The following B3GLCT variants were observed in gnomAD, a reference collection of about 807,000 sequenced individuals.
B3GLCT encodes the protein beta 3-glucosyltransferase.
In B3GLCT, 65 loss-of-function variants were observed where a neutral mutation model predicts 63.4. That is an observed-to-expected ratio of 1.03 (90% CI 0.84 to 1.26). The LOEUF (loss-of-function observed/expected upper bound fraction) is 1.26. B3GLCT is among the 50% of genes most tolerant of loss of function. The pLI, the probability that B3GLCT is intolerant of heterozygous loss-of-function variation, is 0.00. For missense variants in B3GLCT, 577 were observed against 604.8 expected, an observed-to-expected ratio of 0.95 and a Z score of 0.48; for synonymous variants, 233 against 219.2, an observed-to-expected ratio of 1.06 and a Z score of -0.55.
At chr13:31,312,333 T>C (rs1046904745) in intron 12 of B3GLCT, 2 of 152,236 alleles carry the variant, frequency 1.3e-5, no homozygotes, top group African/African-American at 4.8e-5. Context: ...AAGTTACTTA[T>C]GTCAAGGATA....
intron 4 of B3GLCT, among the ~76,000 whole-genome samples, chr13:31,233,638 A>G (rs1252449002): frequency 1.3e-5 from 2 of 152,092 alleles, no homozygotes; most frequent in Non-Finnish European, 2.9e-5. Context: ...GCAGTTGTAT[A>G]TGTTGTGTCC....
At chr13:31,289,429 T>G (rs1873528825) in intron 12 of B3GLCT, among the ~76,000 whole-genome samples, 1 of 152,006 alleles carries the variant, frequency 6.6e-6, no homozygotes. Context: ...AAAAAGGACT[T>G]CACATGGCAT....
At chr13:31,211,758 T>G (rs539675054) in intron 1 of B3GLCT, among the ~76,000 whole-genome samples, 7 of 152,360 alleles carry the variant, frequency 4.6e-5, no homozygotes, top group Non-Finnish European at 8.8e-5. Flanking sequence ...ATATCTTTCC[T>G]GTATGTAATT....
At chr13:31,204,328 A>G (rs1002964769) in intron 1 of B3GLCT, among the ~76,000 whole-genome samples, 1 of 152,194 alleles carries the variant, frequency 6.6e-6, no homozygotes, top group Non-Finnish European at 1.5e-5. Context: ...TGAACATCCT[A>G]CAAAGGCACA....
intron 12 of B3GLCT, among the ~76,000 whole-genome samples, chr13:31,313,863 G>T (rs1253658784): frequency 6.6e-6 from 1 of 152,134 alleles, no homozygotes; most frequent in South Asian, 2.1e-4. Flanking sequence ...GGAGGAAAAA[G>T]TGGTTTGTTT....
intron 10 of B3GLCT, among the ~76,000 whole-genome samples, chr13:31,280,925 A>C (rs1047777114): frequency 1.3e-4 from 20 of 152,214 alleles, no homozygotes; most frequent in African/African-American, 4.8e-4. Flanking sequence ...ACTGTTACAT[A>C]AGGTGATGAA....
At chr13:31,268,552 T>C (rs1872436531) in intron 7 of B3GLCT, among the ~76,000 whole-genome samples, 1 of 152,192 alleles carries the variant, frequency 6.6e-6, no homozygotes, top group African/African-American at 2.4e-5. Context: ...GTTTGGTGTT[T>C]ACAAGTTTGC....
At chr13:31,319,240 C>T (rs1031593236) in intron 13 of B3GLCT, among the ~76,000 whole-genome samples, 1 of 152,168 alleles carries the variant, frequency 6.6e-6, no homozygotes, top group African/African-American at 2.4e-5. Context: ...CAGCGTCTAC[C>T]CTGCCCCTGG....
intron 2 of B3GLCT, among the ~76,000 whole-genome samples, chr13:31,218,964 G>C (rs1301711646): frequency 6.9e-6 from 1 of 144,048 alleles, no homozygotes; most frequent in Non-Finnish European, 1.5e-5. Flanking sequence ...AGGTGATCAT[G>C]TGGTTTTTGA....
intron 4 of B3GLCT, among the ~76,000 whole-genome samples, chr13:31,246,362 T>C (rs1871194636): frequency 6.6e-6 from 1 of 152,224 alleles, no homozygotes; most frequent in Non-Finnish European, 1.5e-5. Context: ...GTATACATAA[T>C]TTATGTAAGC....
At chr13:31,315,839 C>T (rs1874973954) in intron 12 of B3GLCT, among the ~76,000 whole-genome samples, 1 of 152,246 alleles carries the variant, frequency 6.6e-6, no homozygotes, top group African/African-American at 2.4e-5. Context: ...GGCCCCACTG[C>T]TCTATGCAGC....
chr13:31,247,063 A>T lies in B3GLCT; in HGVS notation c.311A>T (p.Gln104Leu). The T allele has an allele frequency of 6.2e-7, 1 of 1,613,298 alleles. No homozygotes were observed. The highest frequency in any genetic ancestry group is 8.5e-7 in the Non-Finnish European group (1 of 1,179,862). ...CTCCTCCTTCATCAGCTGGCTAAAC[A>T]AGAAGGTGCATGGACCATACTTCCG... ...SVLLLHQLAK[Q>L]EGAWTILPLL... The change falls in exon 5 of 15, where the codon CAA (glutamine) becomes CTA (leucine). Residue 104 changes from glutamine (Q) to leucine (L), a missense_variant. By Grantham distance (113) the Gln-to-Leu change is moderately radical. Coordinates refer to ENST00000343307, the MANE Select transcript of B3GLCT (RefSeq NM_194318.4).
intron 12 of B3GLCT, among the ~76,000 whole-genome samples, chr13:31,301,552 C>T: frequency 6.6e-6 from 1 of 152,192 alleles, no homozygotes; most frequent in East Asian, 1.9e-4. Context: ...ACAACCGTTA[C>T]ACTTTTATGT....
intron 10 of B3GLCT, among the ~76,000 whole-genome samples, chr13:31,278,909 TG>T (rs1041679874): frequency 9.2e-5 from 14 of 152,226 alleles, no homozygotes; most frequent in Non-Finnish European, 1.8e-4. Flanking sequence ...AAGCTGAGTA[TG>T]GAATGATACA....
intron 4 of B3GLCT, among the ~76,000 whole-genome samples, chr13:31,233,864 A>C (rs552533982): frequency 6.6e-6 from 1 of 152,200 alleles, no homozygotes; most frequent in African/African-American, 2.4e-5. Flanking sequence ...GAATTTATCT[A>C]TGAACCTCTC....
At chr13:31,276,628 G>C in intron 9 of B3GLCT, 74 bp from the exon 10 acceptor site, 1 of 909,216 alleles carries the variant, frequency 1.1e-6, no homozygotes, top group Non-Finnish European at 1.8e-6. Flanking sequence ...ACTCTAGAGC[G>C]TGTGAGATCT....
At chr13:31,262,040 G>A (rs1179155280) in intron 7 of B3GLCT, among the ~76,000 whole-genome samples, 1 of 152,130 alleles carries the variant, frequency 6.6e-6, no homozygotes, top group African/African-American at 2.4e-5. Flanking sequence ...TTATTTTTGG[G>A]AACTGAATTG....
Position 31,332,117 on chromosome 13 carries a change from A to G in B3GLCT, c.*2449A>G, listed in dbSNP as rs1361961552. Reference sequence around the variant, plus strand: ...TGCTATGTATGGGTATGTAAATATCAGTGCTGTCTGCATTTCTGGGTTTAT... The same window carrying G: ...TGCTATGTATGGGTATGTAAATATCGGTGCTGTCTGCATTTCTGGGTTTAT... On this transcript the variant is annotated 3_prime_UTR_variant, in exon 15 of 15. Transcript: ENST00000343307. 2.0e-5 allele frequency: 3 copies of G among 152,208 alleles called. No homozygotes were observed. Among genetic ancestry groups the G allele is most frequent in the African/African-American group, 7.2e-5 (3 of 41,466 alleles). The allele number at this position is 152,208 out of a possible 1,614,324, so 9.4% of individuals were successfully genotyped here.
intron 8 of B3GLCT, among the ~76,000 whole-genome samples, chr13:31,271,632 C>T (rs1040134959): frequency 6.6e-6 from 1 of 152,092 alleles, no homozygotes. Context: ...TACTTTTAGG[C>T]TTACTTTATG....
Sources: allele counts gnomAD v4.1 joint callset (sites outside exome capture counted in the v4.1 genomes callset), GRCh38; gene constraint gnomAD v4.1.1; transcripts MANE v1.5; gene names NCBI Gene and HGNC (gene_info 2026-07-23, HGNC 2026-07-21).